Variants in FILIP1L observed in about 807,000 individuals in gnomAD.
FILIP1L encodes filamin A-interacting protein 1-like.
In FILIP1L, 55 loss-of-function variants were observed where a neutral mutation model predicts 96.6. That is an observed-to-expected ratio of 0.57 (90% CI 0.46 to 0.71). FILIP1L has a LOEUF of 0.71. Among genes scored for constraint, FILIP1L ranks in the 30% least tolerant of loss-of-function variants. FILIP1L has a pLI of 0.00. For missense variants in FILIP1L, 1,304 were observed against 1,321.2 expected (o/e 0.99, Z 0.20); for synonymous variants, 467 against 473.9 (o/e 0.99, Z 0.19).
chr3:99,928,323 C>T lies in FILIP1L; in HGVS notation c.426+1533G>A, dbSNP rs536725462. Among the ~76,000 whole-genome samples the T allele has an allele frequency of 1.4e-4, 22 of 152,056 alleles. No homozygotes were observed. In the South Asian group the frequency reaches 2.7e-3, roughly 19 times the overall value. ...TGTGTACGTGGAGTTATTTTGGCTT[C>T]GAGGAATTGCATAAACTGATATCTG... On this transcript the variant is annotated intron_variant, in intron 3 of 5. Transcript: ENST00000477258.
rs573313109 is a variant in FILIP1L, at chr3:99,986,307, T to C, written c.-10-55277A>G. ...GTGTTTTTTCATGAAGCTTGTGGCATTAGATATGCCCTCCACTCCATTGCC... is the reference window on the plus strand; with the variant it reads ...GTGTTTTTTCATGAAGCTTGTGGCACTAGATATGCCCTCCACTCCATTGCC... On this transcript the variant is annotated intron_variant, in intron 1 of 5. Transcript: ENST00000477258. Among the ~76,000 whole-genome samples the C allele has an allele frequency of 9.8e-5, 15 of 152,298 alleles. No individual in the cohort carries two copies. In the South Asian group the frequency reaches 3.1e-3, roughly 32 times the overall value.
chr3:100,037,074 T>G (rs1378701513), intron 1 of FILIP1L, among the ~76,000 whole-genome samples: 1 of 152,188 alleles, frequency 6.6e-6, no homozygotes. Context: ...ATTTGGATCC[T>G]GGATCGGGGG....
chr3:99,967,932 G>A (rs542033813), intron 1 of FILIP1L, among the ~76,000 whole-genome samples: 8 of 152,356 alleles, frequency 5.3e-5, no homozygotes, highest in African/African-American at 1.4e-4. Flanking sequence ...GCAACGGTAT[G>A]TGGGAGTGTC....
chr3:100,093,617 A>T (rs1217652933), intron 1 of FILIP1L, among the ~76,000 whole-genome samples: 1 of 152,178 alleles, frequency 6.6e-6, no homozygotes, highest in Non-Finnish European at 1.5e-5. Context: ...CACAACCAGT[A>T]TATTTACATT....
At chr3:100,081,448 C>G (rs912392355) in intron 1 of FILIP1L, among the ~76,000 whole-genome samples, 1 of 152,146 alleles carries the variant, frequency 6.6e-6, no homozygotes, top group African/African-American at 2.4e-5. Context: ...ATGCTAGTCT[C>G]TTAGAGGAAT....
intron 4 of FILIP1L, among the ~76,000 whole-genome samples, chr3:99,904,760 C>G (rs1443164429): frequency 1.3e-5 from 2 of 152,164 alleles, no homozygotes; most frequent in African/African-American, 4.8e-5. Context: ...AGACTTCGTT[C>G]TATCCATCCT....
At chr3:99,882,702 G>A (rs1360145339) in intron 4 of FILIP1L, among the ~76,000 whole-genome samples, 1 of 151,960 alleles carries the variant, frequency 6.6e-6, no homozygotes, top group Non-Finnish European at 1.5e-5. Flanking sequence ...GTTTCTTTTG[G>A]GAAACATGAA....
intron 1 of FILIP1L, chr3:100,011,667 A>T (rs1427994716): frequency 1.3e-5 from 2 of 152,218 alleles, no homozygotes; most frequent in Admixed American, 6.5e-5. Context: ...CTGCCAAAAA[A>T]GTTCATGTAT....
chr3:100,005,442 G>A (rs978985412), intron 1 of FILIP1L, among the ~76,000 whole-genome samples: 3 of 152,132 alleles, frequency 2.0e-5, no homozygotes, highest in Non-Finnish European at 4.4e-5. Flanking sequence ...GTAGATTCCA[G>A]GGTTCCACCC....
At chr3:100,001,322 T>G (rs1249212711) in intron 1 of FILIP1L, among the ~76,000 whole-genome samples, 2 of 152,244 alleles carry the variant, frequency 1.3e-5, no homozygotes, top group East Asian at 3.8e-4. Context: ...TATCGCTGTT[T>G]CTGTGACGCA....
chr3:99,917,641 A>G (rs562961231), intron 4 of FILIP1L, among the ~76,000 whole-genome samples: 1 of 152,330 alleles, frequency 6.6e-6, no homozygotes, highest in South Asian at 2.1e-4. Flanking sequence ...GTTATCTGGT[A>G]GATTGATTCA....
intron 1 of FILIP1L, among the ~76,000 whole-genome samples, chr3:99,938,581 A>C (rs529264147): frequency 1.3e-5 from 2 of 152,200 alleles, no homozygotes; most frequent in East Asian, 3.8e-4. Context: ...ATTTCCCCCT[A>C]TCTTTACACA....
intron 4 of FILIP1L, among the ~76,000 whole-genome samples, chr3:99,871,394 C>G (rs1360871847): frequency 6.6e-6 from 1 of 152,154 alleles, no homozygotes; most frequent in Non-Finnish European, 1.5e-5. Flanking sequence ...AGCAACACAC[C>G]TACTAATTGT....
At chr3:100,044,888 C>G (rs2065255616) in intron 1 of FILIP1L, among the ~76,000 whole-genome samples, 1 of 152,158 alleles carries the variant, frequency 6.6e-6, no homozygotes. Context: ...TAGTGGCTCT[C>G]TGCTTTGGTG....
intron 4 of FILIP1L, among the ~76,000 whole-genome samples, chr3:99,912,023 T>G (rs1264779329): frequency 6.6e-6 from 1 of 152,216 alleles, no homozygotes; most frequent in Non-Finnish European, 1.5e-5. Context: ...GTTTTAATTT[T>G]TAGAGTGTTA....
At chr3:99,896,276 G>A (rs1407282203) in intron 4 of FILIP1L, among the ~76,000 whole-genome samples, 1 of 152,162 alleles carries the variant, frequency 6.6e-6, no homozygotes, top group Non-Finnish European at 1.5e-5. Context: ...AACTATAGGA[G>A]GAAAATGACA....
chr3:100,099,410 A>G (rs1461478338), intron 1 of FILIP1L, among the ~76,000 whole-genome samples: 2 of 152,194 alleles, frequency 1.3e-5, no homozygotes, highest in African/African-American at 4.8e-5. Flanking sequence ...ATAAGATTTT[A>G]TAAGAAACAA....
At chr3:100,006,016 T>C (rs1218676180) in intron 1 of FILIP1L, among the ~76,000 whole-genome samples, 1 of 152,120 alleles carries the variant, frequency 6.6e-6, no homozygotes, top group Non-Finnish European at 1.5e-5. Flanking sequence ...AAAGGTAGTT[T>C]GATAGGAAGT....
intron 1 of FILIP1L, among the ~76,000 whole-genome samples, chr3:100,087,245 A>G (rs2066024820): frequency 6.6e-6 from 1 of 152,214 alleles, no homozygotes; most frequent in South Asian, 2.1e-4. Flanking sequence ...TTGTAAATGA[A>G]TGTTTAGCAT....
Sources: allele counts gnomAD v4.1 joint callset (sites outside exome capture counted in the v4.1 genomes callset), GRCh38; gene constraint gnomAD v4.1.1; transcripts MANE v1.5; gene names NCBI Gene and HGNC (gene_info 2026-07-23, HGNC 2026-07-21).